The following PCDHA8 variants were observed in gnomAD, a reference collection of about 807,000 sequenced individuals.
The protein encoded by PCDHA8 is protocadherin alpha-8.
Under a neutral mutation model 61.8 loss-of-function variants are expected in PCDHA8, and 53 were observed. The ratio of observed to expected loss-of-function variants is 0.86; its 90% CI spans 0.69 to 1.08. The LOEUF (loss-of-function observed/expected upper bound fraction) is 1.08. PCDHA8 is among the 50% of genes least tolerant of loss of function. The pLI, the probability that PCDHA8 is intolerant of heterozygous loss-of-function variation, is 0.00. For missense variants in PCDHA8, 1,293 were observed against 1,245.0 expected (o/e 1.04, Z -0.58); for synonymous variants, 618 against 556.6 (o/e 1.11, Z -1.55).
chr5:140,924,050 A>T (rs1554201725), intron 1 of PCDHA8, among the ~76,000 whole-genome samples: 1 of 152,250 alleles, frequency 6.6e-6, no homozygotes, highest in African/African-American at 2.4e-5. Flanking sequence ...AAAGTTCGGT[A>T]CATCTTTACA....
intron 1 of PCDHA8, chr5:140,877,904 A>G (rs1421896402): frequency 7.0e-7 from 1 of 1,436,098 alleles, no homozygotes; most frequent in East Asian, 2.5e-5. Context: ...GGTTATAACT[A>G]CATTCTCTCA....
At chr5:140,964,015 A>G (rs1466689123) in intron 1 of PCDHA8, among the ~76,000 whole-genome samples, 1 of 152,178 alleles carries the variant, frequency 6.6e-6, no homozygotes. Context: ...TTTAATAGAG[A>G]GCTCTTGAAG....
rs2150503852 is a variant in PCDHA8 at position 140,850,955 on chromosome 5, C to T, written c.2394+7240C>T. The T allele has an allele frequency of 1.6e-5, 23 of 1,482,450 alleles. 2 individuals are homozygous for T. In the Admixed American group the frequency reaches 2.7e-4, roughly 17 times the overall value. 91.8% of individuals were successfully genotyped at this position (1,482,450 alleles called of 1,614,324 possible). A position where few individuals can be genotyped will look rare whatever the true frequency, so the allele number is the denominator to read the frequency against. On this transcript the variant is annotated intron_variant, in intron 1 of 3. Transcript: ENST00000531613. Reference sequence around the variant, plus strand: ...TTCTTGAAAGATATTATCGATTACTCCCAGGGGCCGTTCAAATAGTTTTAT... The same window carrying T: ...TTCTTGAAAGATATTATCGATTACTTCCAGGGGCCGTTCAAATAGTTTTAT...
At chr5:141,001,280 G>T (rs1308036863) in intron 3 of PCDHA8, among the ~76,000 whole-genome samples, 2 of 152,162 alleles carry the variant, frequency 1.3e-5, no homozygotes, top group South Asian at 2.1e-4. Context: ...TTTTTTTACG[G>T]ATGAAAACTG....
At chr5:140,965,288 T>C (rs1020237812) in intron 1 of PCDHA8, among the ~76,000 whole-genome samples, 5 of 152,216 alleles carry the variant, frequency 3.3e-5, no homozygotes, top group Non-Finnish European at 7.3e-5. Flanking sequence ...CATGGAAAGA[T>C]TTCCTCTGAT....
chr5:140,846,892 T>G (rs910093785), intron 1 of PCDHA8, among the ~76,000 whole-genome samples: 1 of 149,538 alleles, frequency 6.7e-6, no homozygotes, highest in Non-Finnish European at 1.5e-5. Flanking sequence ...AGAATGACGT[T>G]GAAGTTGAAA....
At chr5:140,941,202 C>CTTTCTTT (rs1554213921) in intron 1 of PCDHA8, among the ~76,000 whole-genome samples, 7,232 of 122,704 alleles carry the variant, frequency 0.059, 419 homozygotes, top group East Asian at 0.13. Flanking sequence ...TTTCTTTCTT[C>CTTTCTTT]CTTTCTTTCT....
chr5:141,008,953 A>G (rs1554261966), intron 3 of PCDHA8, among the ~76,000 whole-genome samples: 1 of 152,240 alleles, frequency 6.6e-6, no homozygotes, highest in African/African-American at 2.4e-5. Context: ...CAAAATAGAC[A>G]TCCTAATACA....
At chr5:140,892,894 TC>T (rs1198816126) in intron 1 of PCDHA8, among the ~76,000 whole-genome samples, 8 of 152,158 alleles carry the variant, frequency 5.3e-5, no homozygotes, top group Non-Finnish European at 7.4e-5. Context: ...AACCAACCTT[TC>T]CCCATCCTCC....
chr5:140,846,985 C>T (rs138755205), intron 1 of PCDHA8, among the ~76,000 whole-genome samples: 9 of 149,188 alleles, frequency 6.0e-5, no homozygotes, highest in African/African-American at 1.5e-4. Context: ...AAGTAAGTTC[C>T]CCCCGGGAGA....
At chr5:141,007,716 G>A (rs887681362) in intron 3 of PCDHA8, among the ~76,000 whole-genome samples, 4 of 152,246 alleles carry the variant, frequency 2.6e-5, no homozygotes, top group African/African-American at 4.8e-5. Context: ...CCCACCACCA[G>A]GGAGAACAAA....
At chr5:140,904,443 A>G (rs1345999576) in intron 1 of PCDHA8, among the ~76,000 whole-genome samples, 8 of 151,082 alleles carry the variant, frequency 5.3e-5, no homozygotes, top group African/African-American at 1.5e-4. Flanking sequence ...GTATATTACA[A>G]TTTCTTTATA....
intron 1 of PCDHA8, among the ~76,000 whole-genome samples, chr5:140,975,429 C>T (rs1006180121): frequency 2.6e-5 from 4 of 152,208 alleles, no homozygotes; most frequent in African/African-American, 9.6e-5. Flanking sequence ...AGGGTGTGCA[C>T]ACCAGGATAT....
At chr5:140,882,601 C>G (rs1322989069) in intron 1 of PCDHA8, 1 of 1,614,144 alleles carries the variant, frequency 6.2e-7, no homozygotes, top group Admixed American at 1.7e-5. Flanking sequence ...TGATCGTGGA[C>G]AGGCCTCTGC....
chr5:140,993,406 T>G (rs1382987714), intron 3 of PCDHA8, among the ~76,000 whole-genome samples: 2 of 150,884 alleles, frequency 1.3e-5, no homozygotes, highest in Non-Finnish European at 2.9e-5. Context: ...TTAACCACCT[T>G]CATCAGCATT....
chr5:140,869,476 G>T (rs530490517), intron 1 of PCDHA8: 1 of 1,614,194 alleles, frequency 6.2e-7, no homozygotes, highest in African/African-American at 1.3e-5. Flanking sequence ...GGAGGTGAAG[G>T]ACATTAACGA....
chr5:140,848,498 G>A, intron 1 of PCDHA8: 1 of 1,584,262 alleles, frequency 6.3e-7, no homozygotes. Context: ...TATTTGAAAT[G>A]TTATACTCAA....
chr5:140,850,870 C>T (rs2041860936), intron 1 of PCDHA8: 1 of 1,591,890 alleles, frequency 6.3e-7, no homozygotes, highest in African/African-American at 1.3e-5. Context: ...CCCTCTGCTT[C>T]CTCAGATTCA....
chr5:140,876,541 C>T, intron 1 of PCDHA8: 1 of 1,614,188 alleles, frequency 6.2e-7, no homozygotes, highest in Non-Finnish European at 8.5e-7. Context: ...TTCACTGTCG[C>T]TCCCTGTGCA....
Sources: allele counts gnomAD v4.1 joint callset (sites outside exome capture counted in the v4.1 genomes callset), GRCh38; gene constraint gnomAD v4.1.1; transcripts MANE v1.5; gene names NCBI Gene and HGNC (gene_info 2026-07-23, HGNC 2026-07-21).